MFHAS1: variants seen among roughly 807,000 people sequenced by gnomAD.
MFHAS1 encodes the protein multifunctional ROCO family signaling regulator 1.
Under a neutral mutation model 70.4 loss-of-function variants are expected in MFHAS1, and 50 were observed. The ratio of observed to expected loss-of-function variants is 0.71; its 90% confidence interval spans 0.57 to 0.90. The LOEUF is 0.90. Ranked by LOEUF, MFHAS1 falls within the 40% of genes least tolerant of loss-of-function variation. The probability of loss-of-function intolerance (pLI) is 0.00; values close to 1 mark genes in which losing one functional copy is unlikely to be tolerated. For synonymous variants in MFHAS1, 952 were observed against 620.0 expected (o/e 1.54, Z -7.96); for missense variants, 1,795 against 1,347.6 (o/e 1.33, Z -5.20).
rs1809980524 is a variant in MFHAS1, at chr8:8,890,806, C to T, written c.2253G>A (p.Lys751=). 1 of 1,614,094 alleles carries T rather than the reference C, an allele frequency of 6.2e-7. No individual in the cohort carries two copies. Among genetic ancestry groups the T allele is most frequent in the Admixed American group, 1.7e-5 (1 of 60,008 alleles). The part of the protein sequence containing the change: ...FQRDPSLLLH[K]LLLGTSGEGK... ...CCTCTCCACTGGTCCCTAGGAGCAG[C>T]TTATGCAGCAGCAAAGAGGGATCCC... The change falls in exon 1 of 3, where the codon AAG becomes AAA. Residue 751 remains lysine, a synonymous_variant. Transcript: ENST00000276282.
chr8:8,889,970 TAAAC>T (rs1034037164), intron 1 of MFHAS1, 87 bp downstream of exon 1: 10 of 1,128,886 alleles, frequency 8.9e-6, no homozygotes, highest in African/African-American at 3.1e-5. Context: ...CCCGTGAAGT[TAAAC>T]AAACATTCTG....
At chr8:8,877,181 T>C (rs950391555) in intron 1 of MFHAS1, among the ~76,000 whole-genome samples, 3 of 150,698 alleles carry the variant, frequency 2.0e-5, no homozygotes, top group Non-Finnish European at 4.4e-5. Flanking sequence ...GTACCTGTAG[T>C]CCCAACTACT....
rs1017871346 is a variant in MFHAS1 at position 8,785,901 on chromosome 8, G to A, written c.*121C>T. The stretch of plus-strand genomic sequence containing the variant: ...CGTCCAAAAAGCACCCTGCAAGCAC[G>A]CGTTGTCACTCAAGTTCACAGAACA... On this transcript the variant is annotated 3_prime_UTR_variant, in exon 3 of 3. Transcript: ENST00000276282. 9 of 590,008 alleles carry A rather than the reference G, an allele frequency of 1.5e-5. No individual in the cohort carries two copies. The highest frequency in any genetic ancestry group is 9.0e-5 in the South Asian group (5 of 55,336). The allele number at this position is 590,008 out of a possible 1,614,324, so 36.5% of individuals were successfully genotyped here.
chr8:8,833,385 T>C (rs1002470780), intron 1 of MFHAS1, among the ~76,000 whole-genome samples: 1 of 152,080 alleles, frequency 6.6e-6, no homozygotes, highest in South Asian at 2.1e-4. Context: ...TCCTAACATA[T>C]GGAGAGGCGG....
chr8:8,821,216 C>G (rs942124768), intron 1 of MFHAS1, among the ~76,000 whole-genome samples: 2 of 152,172 alleles, frequency 1.3e-5, no homozygotes, highest in African/African-American at 4.8e-5. Flanking sequence ...GGGGGATTAG[C>G]AGCTTCTGTG....
chr8:8,873,007 G>A (rs919538460), intron 1 of MFHAS1, among the ~76,000 whole-genome samples: 2 of 152,146 alleles, frequency 1.3e-5, no homozygotes, highest in African/African-American at 4.8e-5. Context: ...GGGGTGTCAG[G>A]GAAGGGGACA....
At chr8:8,865,326 G>C (rs1177404691) in intron 1 of MFHAS1, among the ~76,000 whole-genome samples, 1 of 147,364 alleles carries the variant, frequency 6.8e-6, no homozygotes, top group East Asian at 1.9e-4. Flanking sequence ...CAAGATGACA[G>C]GCTGAGAAAT....
In MFHAS1 at chr8:8,890,072, T is replaced by C; in HGVS notation, c.2987A>G (p.His996Arg). The C allele has an allele frequency of 6.3e-7, 1 of 1,595,898 alleles. No individual in the cohort carries two copies. The highest frequency in any genetic ancestry group is 8.6e-7 in the Non-Finnish European group (1 of 1,167,890). Residue 996 changes from histidine to arginine, a missense_variant, in exon 1 of 3, where the codon CAT (histidine) becomes CGT (arginine). Coordinates refer to ENST00000276282, the MANE Select transcript of MFHAS1 (RefSeq NM_004225.3). ...CTCTCTCCACTTACCTGGAAAAGCATGTGGATTGGGCGATCCTCTCTTAAG... is the reference window on the plus strand; with the variant it reads ...CTCTCTCCACTTACCTGGAAAAGCACGTGGATTGGGCGATCCTCTCTTAAG... ...KCLKRGSPNP[H>R]AFPGELLSQP...
intron 2 of MFHAS1, among the ~76,000 whole-genome samples, chr8:8,791,558 G>A (rs751512987): frequency 2.0e-5 from 3 of 152,114 alleles, no homozygotes; most frequent in Non-Finnish European, 1.5e-5. Flanking sequence ...GAAATGAAAC[G>A]CAACCAGCAA....
At chr8:8,789,485 C>T (rs1455344818) in intron 2 of MFHAS1, among the ~76,000 whole-genome samples, 1 of 152,156 alleles carries the variant, frequency 6.6e-6, no homozygotes, top group East Asian at 1.9e-4. Flanking sequence ...CTGGGGGGCA[C>T]CCAGCCCCCG....
Position 8,883,813 on chromosome 8 carries a change from C to A in MFHAS1, c.2998+6248G>T, listed in dbSNP as rs910874004. Reference sequence around the variant, plus strand: ...ATGTCCAATTCCTCCTTTCCCCACTCATTCCCCTCCTATAATACAGAGTTA... The same window carrying A: ...ATGTCCAATTCCTCCTTTCCCCACTAATTCCCCTCCTATAATACAGAGTTA... On this transcript the variant is annotated intron_variant, in intron 1 of 2. Transcript: ENST00000276282. Among the ~76,000 whole-genome samples, 7 of 151,710 alleles carry A rather than the reference C, an allele frequency of 4.6e-5. No individual in the cohort carries two copies. In the East Asian group the frequency reaches 1.4e-3, roughly 29 times the overall value.
intron 1 of MFHAS1, among the ~76,000 whole-genome samples, chr8:8,827,189 C>G (rs771645325): frequency 2.6e-5 from 4 of 152,166 alleles, no homozygotes; most frequent in Admixed American, 6.5e-5. Context: ...TGCTGGACAC[C>G]TACAGATGGT....
At chr8:8,832,787 A>G (rs963025854) in intron 1 of MFHAS1, among the ~76,000 whole-genome samples, 4 of 151,996 alleles carry the variant, frequency 2.6e-5, no homozygotes, top group African/African-American at 9.6e-5. Context: ...TGCCATTACT[A>G]CATGCTAAGT....
intron 1 of MFHAS1, among the ~76,000 whole-genome samples, chr8:8,808,942 A>T (rs1806441255): frequency 6.6e-6 from 1 of 152,170 alleles, no homozygotes; most frequent in Non-Finnish European, 1.5e-5. Flanking sequence ...GTAGGTGAGC[A>T]GGCAAAGCTT....
intron 1 of MFHAS1, among the ~76,000 whole-genome samples, chr8:8,830,685 C>T (rs1291345314): frequency 6.6e-6 from 1 of 152,154 alleles, no homozygotes; most frequent in Non-Finnish European, 1.5e-5. Flanking sequence ...TCAGTGCAAC[C>T]TCCGCCACCC....
At chr8:8,846,596 C>T (rs1176174079) in intron 1 of MFHAS1, among the ~76,000 whole-genome samples, 1 of 152,014 alleles carries the variant, frequency 6.6e-6, no homozygotes, top group Non-Finnish European at 1.5e-5. Context: ...CTGCTGCTGG[C>T]ACCTCTCTGA....
At chr8:8,874,373 C>CAT (rs200488124) in intron 1 of MFHAS1, among the ~76,000 whole-genome samples, 3,930 of 148,342 alleles carry the variant, frequency 0.026, 263 homozygotes, top group Middle Eastern at 0.034. Flanking sequence ...CACACACACA[C>CAT]ATAATAATCT....
At chr8:8,889,235 A>G (rs1809892360) in intron 1 of MFHAS1, among the ~76,000 whole-genome samples, 1 of 152,174 alleles carries the variant, frequency 6.6e-6, no homozygotes, top group African/African-American at 2.4e-5. Context: ...ACAAACCTTA[A>G]GACGTCTATA....
intron 1 of MFHAS1, among the ~76,000 whole-genome samples, chr8:8,881,815 C>CAAA (rs35891401): frequency 1.7e-5 from 1 of 59,396 alleles, no homozygotes; most frequent in Admixed American, 1.7e-4. Flanking sequence ...GACTCCGTCT[C>CAAA]AAAAAAAAAA....
Sources: allele counts gnomAD v4.1 joint callset (sites outside exome capture counted in the v4.1 genomes callset), GRCh38; gene constraint gnomAD v4.1.1; transcripts MANE v1.5; gene names NCBI Gene and HGNC (gene_info 2026-07-23, HGNC 2026-07-21).